The following CLDN16 variants were observed in gnomAD, a reference collection of about 807,000 sequenced individuals.
CLDN16 encodes claudin-16.
Under a neutral mutation model 24.6 loss-of-function variants are expected in CLDN16, and 13 were observed. The observed-to-expected ratio is 0.53, with a 90% confidence interval of 0.34 to 0.84. CLDN16 has a LOEUF of 0.84. CLDN16 is among the 40% of genes least tolerant of loss of function. The pLI is 0.01. For synonymous variants in CLDN16, 116 were observed against 106.7 expected (o/e 1.09, Z -0.54); for missense variants, 298 against 292.7 (o/e 1.02, Z -0.13).
chr3:190,308,067 C>A, the CLDN16 span: 1 of 538,162 alleles, frequency 1.9e-6, no homozygotes, highest in Non-Finnish European at 3.3e-6. Flanking sequence ...AAAAATCTTC[C>A]CTCCTATATT....
chr3:190,309,814 T>A, the CLDN16 span, among the ~76,000 whole-genome samples: 1 of 152,312 alleles, frequency 6.6e-6, no homozygotes, highest in Non-Finnish European at 1.5e-5. Context: ...TAGTTACAAA[T>A]AATCTTAGGT....
chr3:190,334,856 G>A (rs932116601), intron 1 of CLDN16, among the ~76,000 whole-genome samples: 8 of 152,158 alleles, frequency 5.3e-5, no homozygotes, highest in South Asian at 4.1e-4. Flanking sequence ...GCTGGTAAGC[G>A]GTGGTTGACC....
intron 1 of CLDN16, among the ~76,000 whole-genome samples, chr3:190,391,722 T>G (rs1718680642): frequency 6.6e-6 from 1 of 152,158 alleles, no homozygotes; most frequent in Non-Finnish European, 1.5e-5. Flanking sequence ...TCAGATATTC[T>G]TTTTGCCTAC....
chr3:190,392,565 G>A (rs911102978), intron 1 of CLDN16, among the ~76,000 whole-genome samples: 9 of 152,102 alleles, frequency 5.9e-5, no homozygotes, highest in African/African-American at 1.9e-4. Context: ...GCACCATGTA[G>A]CACACACTAT....
chr3:190,326,626 G>A (rs1274762064), intron 1 of CLDN16, among the ~76,000 whole-genome samples: 1 of 152,214 alleles, frequency 6.6e-6, no homozygotes, highest in Non-Finnish European at 1.5e-5. Flanking sequence ...AGAATCTGTA[G>A]AGGGTAATGA....
At chr3:190,408,840 CAT>C (rs1229816858) in intron 4 of CLDN16, among the ~76,000 whole-genome samples, 7 of 145,832 alleles carry the variant, frequency 4.8e-5, no homozygotes, top group African/African-American at 1.7e-4. Flanking sequence ...ATACTATATA[CAT>C]ATATATACAC....
upstream of CLDN16, chr3:190,387,759 C>T (rs1718541278): frequency 3.2e-6 from 1 of 311,382 alleles, no homozygotes; most frequent in Admixed American, 4.5e-5. Context: ...ATGCAGACTC[C>T]CTTGAGCGAG....
the CLDN16 span, among the ~76,000 whole-genome samples, chr3:190,298,018 C>A: frequency 6.6e-6 from 1 of 151,956 alleles, no homozygotes; most frequent in African/African-American, 2.4e-5. Context: ...TGAATATGAC[C>A]ATGGACAACC....
the CLDN16 span, among the ~76,000 whole-genome samples, chr3:190,290,978 T>C: frequency 6.6e-6 from 1 of 152,138 alleles, no homozygotes; most frequent in African/African-American, 2.4e-5. Context: ...AGTAGGATGT[T>C]AGAGAGTAAT....
chr3:190,320,298 A>G (rs933822022), upstream of CLDN16, among the ~76,000 whole-genome samples: 1 of 152,206 alleles, frequency 6.6e-6, no homozygotes, highest in South Asian at 2.1e-4. Context: ...GAGGAATAAA[A>G]CTGACAGTGA....
intron 4 of CLDN16, among the ~76,000 whole-genome samples, chr3:190,409,484 T>C (rs940456968): frequency 1.3e-5 from 2 of 152,034 alleles, no homozygotes; most frequent in African/African-American, 4.8e-5. Context: ...ATTTTCTATA[T>C]ATATATATTT....
chr3:190,319,195 A>G (rs1302690045), upstream of CLDN16, among the ~76,000 whole-genome samples: 2 of 152,196 alleles, frequency 1.3e-5, no homozygotes, highest in Non-Finnish European at 2.9e-5. Context: ...GCTTCCTAAA[A>G]GTTTGAGAAT....
chr3:190,300,096 A>T, the CLDN16 span, among the ~76,000 whole-genome samples: 3 of 152,206 alleles, frequency 2.0e-5, no homozygotes, highest in African/African-American at 4.8e-5. Flanking sequence ...CTGTACTTTC[A>T]TGTGACATTC....
upstream of CLDN16, among the ~76,000 whole-genome samples, chr3:190,385,799 C>T (rs1050916285): frequency 4.6e-5 from 7 of 152,230 alleles, no homozygotes; most frequent in African/African-American, 1.7e-4. Context: ...TAGTATATAA[C>T]TCTTAAAAAA....
Position 190,409,998 on chromosome 3 carries a change from G to C in CLDN16, c.670G>C (p.Glu224Gln). 3.7e-6 allele frequency: 6 copies of C among 1,614,070 alleles called. No homozygotes were observed. Among genetic ancestry groups the C allele is most frequent in the Middle Eastern group, 1.6e-4 (1 of 6,062 alleles). The change falls in exon 5 of 5, where the codon GAG (glutamate) becomes CAG (glutamine). Residue 224 changes from glutamate (E) to glutamine (Q), a missense_variant. Physicochemically the swap from Glu to Gln is conservative, Grantham distance 29. Transcript: ENST00000264734. ...MAKSYSAPRT[E>Q]TAKMYAVDTR... ...CAAGTCATACTCAGCCCCTCGCACA[G>C]AGACGGCCAAAATGTATGCTGTAGA...
chr3:190,329,973 T>C (rs1005856499), intron 1 of CLDN16, among the ~76,000 whole-genome samples: 10 of 152,104 alleles, frequency 6.6e-5, no homozygotes, highest in African/African-American at 2.4e-4. Flanking sequence ...CTTAGTGTAC[T>C]AGAGACCAGT....
At position 190,404,744 on chromosome 3, in the gene CLDN16, T is replaced by C; in HGVS notation, c.218-18T>C. ...CCTTCTTCTGACTCTGCTTTAACCA[T>C]ATGCCCTGGTCTTCCAGTGAAGCTG... is the stretch of plus-strand genomic sequence containing the variant. On this transcript the variant is annotated intron_variant, in intron 2 of 4. Transcript: ENST00000264734. The C allele has an allele frequency of 3.1e-6, 5 of 1,613,790 alleles. No homozygotes were observed. In the African/African-American group the frequency reaches 4.0e-5, roughly 13 times the overall value.
At chr3:190,367,394 A>C (rs4516592) in intron 1 of CLDN16, among the ~76,000 whole-genome samples, 152,036 of 152,036 alleles carry the variant, frequency 1, 76,018 homozygotes, top group Non-Finnish European at 1. Context: ...ACTAGCACAC[A>C]ATATGAAAGC....
chr3:190,349,848 T>C (rs550832418), intron 1 of CLDN16, among the ~76,000 whole-genome samples: 24 of 152,302 alleles, frequency 1.6e-4, no homozygotes, highest in South Asian at 8.3e-4. Flanking sequence ...AAGCCTATCC[T>C]AGGGTAGAGC....
Sources: allele counts gnomAD v4.1 joint callset (sites outside exome capture counted in the v4.1 genomes callset), GRCh38; gene constraint gnomAD v4.1.1; transcripts MANE v1.5; gene names NCBI Gene and HGNC (gene_info 2026-07-23, HGNC 2026-07-21).